VGLL4: variants seen among roughly 807,000 people sequenced by gnomAD.
VGLL4 encodes the protein vestigial like family member 4.
In VGLL4, 7 loss-of-function variants were observed where a neutral mutation model predicts 21.0. The ratio of observed to expected loss-of-function variants is 0.33; its 90% CI spans 0.19 to 0.63. The LOEUF is 0.63. Among genes scored for constraint, VGLL4 ranks in the 20% least tolerant of loss-of-function variants. VGLL4 has a pLI of 0.78. For synonymous variants in VGLL4, 222 were observed against 173.2 expected, an observed-to-expected ratio of 1.28 and a Z score of -2.21; for missense variants, 394 against 425.7, an observed-to-expected ratio of 0.93 and a Z score of 0.66.
At chr3:11,615,153 G>T (rs2075138108) in intron 1 of VGLL4, among the ~76,000 whole-genome samples, 1 of 152,172 alleles carries the variant, frequency 6.6e-6, no homozygotes, top group Admixed American at 6.5e-5. Flanking sequence ...AGTTAAAGTT[G>T]ACGTATTGTC....
chr3:11,564,994 G>A lies in VGLL4; in HGVS notation c.298C>T (p.Arg100Cys), dbSNP rs373201873. The part of the protein sequence containing the change: ...HLNKTANGDC[R>C]RDPRERSRSP... ...CGGCTCCGCTCCCGGGGGTCTCTGC[G>A]GCAGTCTCCATTGGCAGTCTTGTTC... Residue 100 changes from arginine to cysteine, a missense_variant, in exon 3 of 5, where the codon CGC becomes TGC. Arg to Cys is a radical substitution (Grantham distance 180). Transcript: ENST00000430365. The A allele has an allele frequency of 4.0e-5, 60 of 1,513,370 alleles. No individual in the cohort carries two copies. Among genetic ancestry groups the A allele is most frequent in the Middle Eastern group, 3.5e-4 (2 of 5,676 alleles). The allele number at this position is 1,513,370 out of a possible 1,614,324, so 93.7% of individuals were successfully genotyped here.
chr3:11,564,916 G>A lies in VGLL4; in HGVS notation c.376C>T (p.Leu126=). 2 of 1,599,256 alleles carry A rather than the reference G, an allele frequency of 1.3e-6. No individual in the cohort carries two copies. Among genetic ancestry groups the A allele is most frequent in the East Asian group, 2.3e-5 (1 of 44,046 alleles). Reference sequence around the variant, plus strand: ...CCAAGGCTGGGGAGGGAGGTGTACAGGTGGCTGCCGTGCAGGCTCATGGTG... The same window carrying A: ...CCAAGGCTGGGGAGGGAGGTGTACAAGTGGCTGCCGTGCAGGCTCATGGTG... The part of the protein sequence containing the change: ...APTMSLHGSH[L]YTSLPSLGLE... Residue 126 remains leucine (L), a synonymous_variant, in exon 3 of 5, where the codon CTG becomes TTG. Transcript: ENST00000430365.
chr3:11,567,851 CAT>C (rs1414552082), intron 2 of VGLL4, among the ~76,000 whole-genome samples: 1 of 152,212 alleles, frequency 6.6e-6, no homozygotes, highest in African/African-American at 2.4e-5. Flanking sequence ...TTGTTAACAA[CAT>C]GAGTGAATGG....
At chr3:11,639,428 TC>T (rs1575482896) in intron 1 of VGLL4, among the ~76,000 whole-genome samples, 2 of 152,192 alleles carry the variant, frequency 1.3e-5, no homozygotes, top group East Asian at 3.9e-4. Flanking sequence ...CACAACAGCC[TC>T]GGAATTTGGA....
At position 11,568,218 on chromosome 3, in the gene VGLL4, C is replaced by G. The variant is rs1259585015; in HGVS notation, c.273-3199G>C. Among the ~76,000 whole-genome samples, 1 of 152,228 alleles carries G rather than the reference C, an allele frequency of 6.6e-6. No homozygotes were observed. The highest frequency in any genetic ancestry group is 1.5e-5 in the Non-Finnish European group (1 of 68,046). On this transcript the variant is annotated intron_variant, in intron 2 of 4. Coordinates refer to ENST00000430365, the MANE Select transcript of VGLL4 (RefSeq NM_001128219.3). This position sits in a 1 kb window ranked among gnomAD's most constrained non-coding sequence, Gnocchi z 5.9. ...CATGTCCAAAGCCAAAGTCGTGGTA[C>G]ATAAGGCACTGCCCACCCCTCGCAC...
chr3:11,660,098 C>T (rs1050470089), intron 2 of VGLL4, among the ~76,000 whole-genome samples: 1 of 151,356 alleles, frequency 6.6e-6, no homozygotes. Flanking sequence ...GGAGGCGGAG[C>T]TTGCAGTGAG....
chr3:11,656,755 T>C (rs2075964797), intron 2 of VGLL4, among the ~76,000 whole-genome samples: 1 of 152,192 alleles, frequency 6.6e-6, no homozygotes, highest in South Asian at 2.1e-4. Flanking sequence ...GAACCAGGGA[T>C]GGCTTTGAGA....
At chr3:11,600,883 T>C (rs1457370621) in intron 2 of VGLL4, among the ~76,000 whole-genome samples, 1 of 152,120 alleles carries the variant, frequency 6.6e-6, no homozygotes, top group African/African-American at 2.4e-5. Flanking sequence ...AGGACCTCTG[T>C]ACCTGCACAC....
chr3:11,635,961 G>C (rs545801152), intron 1 of VGLL4, among the ~76,000 whole-genome samples: 1 of 152,228 alleles, frequency 6.6e-6, no homozygotes, highest in East Asian at 1.9e-4. Context: ...TAAAACAAAG[G>C]TTCTTTCTGG....
chr3:11,578,348 G>A (rs916224004), intron 2 of VGLL4, among the ~76,000 whole-genome samples: 3 of 152,078 alleles, frequency 2.0e-5, no homozygotes, highest in Non-Finnish European at 4.4e-5. Flanking sequence ...TCCTTTCTGC[G>A]TCACGTGGTG....
At chr3:11,599,388 C>T (rs889407817) in intron 2 of VGLL4, among the ~76,000 whole-genome samples, 2 of 151,038 alleles carry the variant, frequency 1.3e-5, no homozygotes, top group Admixed American at 1.3e-4. Flanking sequence ...TAAAACTTTG[C>T]ATAATAATGT....
chr3:11,713,568 T>TTTTATA (rs149323078), intron 1 of VGLL4, among the ~76,000 whole-genome samples: 12 of 140,294 alleles, frequency 8.6e-5, no homozygotes, highest in African/African-American at 1.9e-4. Flanking sequence ...TATATATTAT[T>TTTTATA]TATATATATA....
intron 2 of VGLL4, among the ~76,000 whole-genome samples, chr3:11,586,684 A>G (rs965023103): frequency 1.3e-5 from 2 of 152,236 alleles, no homozygotes; most frequent in Admixed American, 6.5e-5. Flanking sequence ...GCCATTTTAC[A>G]CGAGGGACTT....
chr3:11,647,624 T>C (rs2075812004), upstream of VGLL4, among the ~76,000 whole-genome samples: 1 of 152,198 alleles, frequency 6.6e-6, no homozygotes, highest in African/African-American at 2.4e-5. Flanking sequence ...GTTCAGATTT[T>C]GGAGCATTTT....
intron 2 of VGLL4, among the ~76,000 whole-genome samples, chr3:11,597,579 C>T (rs976086066): frequency 1.3e-5 from 2 of 152,144 alleles, no homozygotes; most frequent in Non-Finnish European, 2.9e-5. Context: ...AGAACTGAAG[C>T]CCACCAGGTA....
At chr3:11,708,114 G>A (rs1255633913) in intron 1 of VGLL4, among the ~76,000 whole-genome samples, 2 of 152,156 alleles carry the variant, frequency 1.3e-5, no homozygotes, top group Non-Finnish European at 2.9e-5. Flanking sequence ...ACCTCTGTGT[G>A]TCTATTTCCT....
intron 3 of VGLL4, among the ~76,000 whole-genome samples, chr3:11,562,721 G>C (rs1436072651): frequency 6.6e-6 from 1 of 152,240 alleles, no homozygotes; most frequent in Non-Finnish European, 1.5e-5. Flanking sequence ...AGCAGCCACG[G>C]CAAGGAGGGC....
intron 2 of VGLL4, among the ~76,000 whole-genome samples, chr3:11,658,263 G>T (rs533847992): frequency 6.6e-6 from 1 of 152,042 alleles, no homozygotes; most frequent in African/African-American, 2.4e-5. Flanking sequence ...GGAGAGAAAT[G>T]AGCAAATACA....
intron 2 of VGLL4, among the ~76,000 whole-genome samples, chr3:11,596,786 G>A (rs930214187): frequency 3.3e-5 from 5 of 152,140 alleles, no homozygotes; most frequent in African/African-American, 1.2e-4. Flanking sequence ...CCTGTGGCTG[G>A]TGTCTGCTGT....
Sources: allele counts gnomAD v4.1 joint callset (sites outside exome capture counted in the v4.1 genomes callset), GRCh38; gene constraint gnomAD v4.1.1; non-coding constraint Gnocchi (gnomAD v3.1); transcripts MANE v1.5; gene names NCBI Gene and HGNC (gene_info 2026-07-23, HGNC 2026-07-21).